The following DIMT1 variants were observed in gnomAD, a reference collection of about 807,000 sequenced individuals.
DIMT1 encodes DIM1 rRNA methyltransferase and ribosome maturation factor.
In DIMT1, 36 loss-of-function variants were observed where a neutral mutation model predicts 43.2. The ratio of observed to expected loss-of-function variants is 0.83; its 90% CI spans 0.64 to 1.10. DIMT1 has a LOEUF of 1.10. Ranked by LOEUF, DIMT1 falls within the 50% of genes least tolerant of loss-of-function variation. DIMT1 has a pLI of 0.00. For synonymous variants in DIMT1, 126 were observed against 130.3 expected, an observed-to-expected ratio of 0.97 and a Z score of 0.22; for missense variants, 341 against 385.3, an observed-to-expected ratio of 0.88 and a Z score of 0.96.
intron 3 of DIMT1, among the ~76,000 whole-genome samples, chr5:62,399,232 T>A (rs1272157365): frequency 6.6e-6 from 1 of 152,162 alleles, no homozygotes; most frequent in African/African-American, 2.4e-5. Context: ...TTTGGGAGGC[T>A]GAGACAGGCA....
At position 62,393,899 on chromosome 5, in the gene DIMT1, T is replaced by C. The variant is rs1217778615; in HGVS notation, c.663+56A>G. ...ATTTTTCTGCTGTTATAGGCACACATCTTCCCGCCTGGACTTTTTTTTCCT... is the reference window on the plus strand; with the variant it reads ...ATTTTTCTGCTGTTATAGGCACACACCTTCCCGCCTGGACTTTTTTTTCCT... On this transcript the variant is annotated intron_variant, in intron 8 of 11. Transcript: ENST00000199320. The C allele has an allele frequency of 2.7e-6, 4 of 1,505,196 alleles. No homozygotes were observed. In the African/African-American group the frequency reaches 4.3e-5, roughly 16 times the overall value. 93.2% of individuals were successfully genotyped at this position (1,505,196 alleles called of 1,614,324 possible).
chr5:62,395,679 G>T (rs1323052894), intron 6 of DIMT1, among the ~76,000 whole-genome samples: 1 of 152,090 alleles, frequency 6.6e-6, no homozygotes. Context: ...TATAGAAAGT[G>T]ACTTCAAAGT....
In DIMT1 at chr5:62,398,684, G is replaced by T. The variant is rs942385362; in HGVS notation, c.358C>A (p.Pro120Thr). 5.6e-6 allele frequency: 9 copies of T among 1,614,052 alleles called. No individual in the cohort carries two copies. The highest frequency in any genetic ancestry group is 7.6e-6 in the Non-Finnish European group (9 of 1,180,046). The change falls in exon 5 of 12, where the codon CCA (proline) becomes ACA (threonine). Residue 120 changes from proline (P) to threonine (T), a missense_variant. By Grantham distance (38) the Pro-to-Thr change is conservative. Transcript: ENST00000199320. ...TTTGCCACACAAGTATCAAAGAATG[G>T]CAAATCTGTTTTCAGCACATCACCC... The part of the protein sequence containing the change: ...LVGDVLKTDL[P>T]FFDTCVANLP...
In DIMT1 at chr5:62,387,494, C is replaced by G. The variant is rs1742089361; in HGVS notation, c.*1516G>C. ...CCTTATAGACAAATATGCTGCCTTACACTATGATGGCTTCATTCTGATCAG... is the reference window on the plus strand; with the variant it reads ...CCTTATAGACAAATATGCTGCCTTAGACTATGATGGCTTCATTCTGATCAG... On this transcript the variant is annotated 3_prime_UTR_variant, in exon 12 of 12. Coordinates refer to ENST00000199320, the MANE Select transcript of DIMT1 (RefSeq NM_014473.4). 1 of 152,114 alleles carries G rather than the reference C, an allele frequency of 6.6e-6. No homozygotes were observed. The highest frequency in any genetic ancestry group is 2.1e-4 in the South Asian group (1 of 4,830). The allele number at this position is 152,114 out of a possible 1,614,324, so 9.4% of individuals were successfully genotyped here. A position where few individuals can be genotyped will look rare whatever the true frequency, so the allele number is the denominator to read the frequency against.
At chr5:62,394,071 T>C (rs768014480) in intron 7 of DIMT1, 24 bp from the exon 8 acceptor site, 2 of 1,606,934 alleles carry the variant, frequency 1.2e-6, no homozygotes, top group East Asian at 2.2e-5. Context: ...AGTATTTAAG[T>C]AGTACTCACA....
chr5:62,393,341 G>T (rs1240484115), intron 8 of DIMT1, among the ~76,000 whole-genome samples: 1 of 151,866 alleles, frequency 6.6e-6, no homozygotes, highest in Non-Finnish European at 1.5e-5. Flanking sequence ...GAGACCAAAA[G>T]TTCAAGTCCA....
rs1561290345 is a variant in DIMT1, at chr5:62,394,561, C to T, written c.493G>A (p.Ala165Thr). The T allele has an allele frequency of 4.3e-6, 7 of 1,614,054 alleles. No homozygotes were observed. The highest frequency in any genetic ancestry group is 5.9e-6 in the Non-Finnish European group (7 of 1,180,040). ...FQREFALRLV[A>T]KPGDKLYCRL... ...CAGTATAACTTATCTCCAGGTTTTGCAACCAGTCGGAGGGCAAATTCTCTT... is the reference window on the plus strand; with the variant it reads ...CAGTATAACTTATCTCCAGGTTTTGTAACCAGTCGGAGGGCAAATTCTCTT... Residue 165 changes from alanine (A) to threonine (T), a missense_variant, in exon 7 of 12, where the codon GCA becomes ACA. Physicochemically the swap from Ala to Thr is moderately conservative, Grantham distance 58. Transcript: ENST00000199320.
At chr5:62,392,682 G>A in intron 9 of DIMT1, 1 of 409,492 alleles carries the variant, frequency 2.4e-6, no homozygotes, top group Non-Finnish European at 4.3e-6. Flanking sequence ...GCAGATATAT[G>A]GTCAGAGTTT....
At chr5:62,402,883 A>C (rs1184232033) in intron 2 of DIMT1, among the ~76,000 whole-genome samples, 1 of 152,238 alleles carries the variant, frequency 6.6e-6, no homozygotes, top group Non-Finnish European at 1.5e-5. Context: ...GCATACACCA[A>C]ATAATTTATA....
intron 10 of DIMT1, chr5:62,391,185 G>C: frequency 1.9e-6 from 1 of 521,636 alleles, no homozygotes; most frequent in Non-Finnish European, 3.4e-6. Flanking sequence ...GGAATACCTT[G>C]AATTAGTAAT....
chr5:62,395,817 T>G (rs568306908), intron 6 of DIMT1, among the ~76,000 whole-genome samples: 3 of 151,664 alleles, frequency 2.0e-5, no homozygotes, highest in African/African-American at 7.3e-5. Context: ...CAGCCTGGGC[T>G]GAACATGGTG....
chr5:62,403,284 T>A lies in DIMT1; in HGVS notation c.142A>T (p.Ile48Phe), dbSNP rs776396424. Residue 48 changes from isoleucine to phenylalanine, a missense_variant, in exon 2 of 12, where the codon ATT becomes TTT. By Grantham distance (21) the Ile-to-Phe change is conservative. Transcript: ENST00000199320. Reference sequence around the variant, plus strand: ...TCTTCCACACCCACCTTATCGATAATGCTGTTAATAATGAGAGGATTTTTC... The same window carrying A: ...TCTTCCACACCCACCTTATCGATAAAGCTGTTAATAATGAGAGGATTTTTC... The part of the protein sequence containing the change: ...ILKNPLIINS[I>F]IDKAALRPTD... The A allele has an allele frequency of 6.2e-7, 1 of 1,613,506 alleles. No homozygotes were observed.
chr5:62,403,891 C>T lies in DIMT1; in HGVS notation c.-119G>A, dbSNP rs1742809867. ...GCCGCCCGCACCACTCTGGCCCAAGCGCCGGAGGGGCAAGGGTCCGCCCCC... is the reference window on the plus strand; with the variant it reads ...GCCGCCCGCACCACTCTGGCCCAAGTGCCGGAGGGGCAAGGGTCCGCCCCC... On this transcript the variant is annotated 5_prime_UTR_variant, in exon 1 of 12. Transcript: ENST00000199320. 1.8e-6 allele frequency: 2 copies of T among 1,101,350 alleles called. No homozygotes were observed. The highest frequency in any genetic ancestry group is 2.6e-6 in the Non-Finnish European group (2 of 776,688). The allele number at this position is 1,101,350 out of a possible 1,614,324, so 68.2% of individuals were successfully genotyped here. A position where few individuals can be genotyped will look rare whatever the true frequency, so the allele number is the denominator to read the frequency against.
At chr5:62,389,323 TAA>T (rs971604617) in intron 11 of DIMT1, among the ~76,000 whole-genome samples, 1 of 151,608 alleles carries the variant, frequency 6.6e-6, no homozygotes, top group African/African-American at 2.4e-5. Context: ...CCGTCTCTAC[TAA>T]AAATACAAAA....
At position 62,393,999 on chromosome 5, in the gene DIMT1, C is replaced by T. The variant is rs1441606902; in HGVS notation, c.619G>A (p.Val207Ile). The T allele has an allele frequency of 6.2e-7, 1 of 1,612,430 alleles. No individual in the cohort carries two copies. Among genetic ancestry groups the T allele is most frequent in the African/African-American group, 1.3e-5 (1 of 74,768 alleles). Residue 207 changes from valine to isoleucine, a missense_variant, in exon 8 of 12, where the codon GTA (valine) becomes ATA (isoleucine). Physicochemically the swap from Val to Ile is conservative, Grantham distance 29. Transcript: ENST00000199320. Reference protein sequence around the residue: ...RPPPKVESSVVRIEPKNPPPP... With the variant: ...RPPPKVESSVIRIEPKNPPPP... ...GGTGGATTCTTAGGTTCTATCCTTACAACACTGGATTCCACCTTGGGCGGT... is the reference window on the plus strand; with the variant it reads ...GGTGGATTCTTAGGTTCTATCCTTATAACACTGGATTCCACCTTGGGCGGT...
chr5:62,398,016 G>C (rs986415253), intron 6 of DIMT1, among the ~76,000 whole-genome samples: 2 of 152,058 alleles, frequency 1.3e-5, no homozygotes, highest in Admixed American at 1.3e-4. Context: ...GTTCTTACTT[G>C]AATTTTAGCA....
At chr5:62,397,467 C>G (rs993032187) in intron 6 of DIMT1, among the ~76,000 whole-genome samples, 1 of 152,172 alleles carries the variant, frequency 6.6e-6, no homozygotes, top group Admixed American at 6.5e-5. Flanking sequence ...ATGGTGTTGG[C>G]TATTGTTTGT....
intron 7 of DIMT1, 60 bp downstream of exon 7, chr5:62,394,424 C>A: frequency 6.3e-7 from 1 of 1,581,188 alleles, no homozygotes; most frequent in Non-Finnish European, 8.7e-7. Flanking sequence ...GCACTGCAGC[C>A]TGGGTGACAG....
chr5:62,403,883 G>A lies in DIMT1; in HGVS notation c.-111C>T, dbSNP rs1442267351. 6 of 1,188,650 alleles carry A rather than the reference G, an allele frequency of 5.0e-6. No homozygotes were observed. The highest frequency in any genetic ancestry group is 4.9e-5 in the Admixed American group (2 of 40,492). 73.6% of individuals were successfully genotyped at this position (1,188,650 alleles called of 1,614,324 possible). On this transcript the variant is annotated 5_prime_UTR_variant, in exon 1 of 12. Transcript: ENST00000199320. ...CGCCACGCGCCGCCCGCACCACTCT[G>A]GCCCAAGCGCCGGAGGGGCAAGGGT... is the stretch of plus-strand genomic sequence containing the variant.
Sources: allele counts gnomAD v4.1 joint callset (sites outside exome capture counted in the v4.1 genomes callset), GRCh38; gene constraint gnomAD v4.1.1; transcripts MANE v1.5; gene names NCBI Gene and HGNC (gene_info 2026-07-23, HGNC 2026-07-21).